CCDC69: variants seen among roughly 807,000 people sequenced by gnomAD.
CCDC69 encodes coiled-coil domain containing 69.
Under a neutral mutation model 40.3 loss-of-function variants are expected in CCDC69, and 38 were observed. That is an observed-to-expected ratio of 0.94 (90% CI 0.73 to 1.24). The LOEUF is 1.24. CCDC69 is among the 50% of genes most tolerant of loss of function. CCDC69 has a pLI of 0.00. For synonymous variants in CCDC69, 141 were observed against 138.9 expected, an observed-to-expected ratio of 1.02 and a Z score of -0.11; for missense variants, 389 against 357.9, an observed-to-expected ratio of 1.09 and a Z score of -0.70.
At chr5:151,213,291 G>C (rs1055856758) in intron 1 of CCDC69, among the ~76,000 whole-genome samples, 30 of 152,230 alleles carry the variant, frequency 2.0e-4, no homozygotes, top group African/African-American at 6.5e-4. Flanking sequence ...CAGTTGCCCA[G>C]GCTAGAGTGC....
intron 3 of CCDC69, among the ~76,000 whole-genome samples, chr5:151,200,946 T>C (rs1404110038): frequency 4.6e-5 from 7 of 152,186 alleles, no homozygotes; most frequent in African/African-American, 7.2e-5. Flanking sequence ...TAATTGTGTT[T>C]AGCATCTGAT....
At chr5:151,198,232 C>A (rs377312060) in intron 4 of CCDC69, among the ~76,000 whole-genome samples, 1 of 152,062 alleles carries the variant, frequency 6.6e-6, no homozygotes, top group African/African-American at 2.4e-5. Context: ...GGTTACAGAG[C>A]TGGTAAGCAG....
chr5:151,183,261 G>A lies in CCDC69; in HGVS notation c.*176C>T. The stretch of plus-strand genomic sequence containing the variant: ...TCTCGGGGCCTCCAAAACCCTGTGG[G>A]TGATTCCATGTAACTCAAGGCCCCA... On this transcript the variant is annotated 3_prime_UTR_variant, in exon 9 of 9. Coordinates refer to ENST00000355417, the MANE Select transcript of CCDC69 (RefSeq NM_015621.3). 2 of 772,812 alleles carry A rather than the reference G, an allele frequency of 2.6e-6. No individual in the cohort carries two copies. Among genetic ancestry groups the A allele is most frequent in the East Asian group, 2.7e-5 (1 of 37,354 alleles). 47.9% of individuals were successfully genotyped at this position (772,812 alleles called of 1,614,324 possible).
At position 151,184,401 on chromosome 5, in the gene CCDC69, A is replaced by G. The variant is rs765901395; in HGVS notation, c.656T>C (p.Leu219Pro). The change falls in exon 8 of 9, where the codon CTG becomes CCG. Residue 219 changes from leucine to proline, a missense_variant. By Grantham distance (98) the Leu-to-Pro change is moderately conservative. Transcript: ENST00000355417. ...ATGGAGGTCCTCATTTTCCTGTTGC[A>G]GGGTCGTAATTTTTTCCTCCAATAT... ...NLILEEKITT[L>P]QQENEDLHVR... is the part of the protein sequence containing the mutation. 7 of 1,614,108 alleles carry G rather than the reference A, an allele frequency of 4.3e-6. No individual in the cohort carries two copies. Among genetic ancestry groups the G allele is most frequent in the Non-Finnish European group, 5.1e-6 (6 of 1,179,958 alleles).
chr5:151,212,648 AG>A (rs1752970200), intron 1 of CCDC69: 2 of 380,994 alleles, frequency 5.2e-6, no homozygotes, highest in Non-Finnish European at 1.0e-5. Flanking sequence ...AGAAACCGAC[AG>A]GATGTAGGAG....
chr5:151,218,097 G>C (rs1753076081), intron 1 of CCDC69, among the ~76,000 whole-genome samples: 1 of 152,218 alleles, frequency 6.6e-6, no homozygotes, highest in Non-Finnish European at 1.5e-5. Context: ...GTATAGTACA[G>C]TGTTTGGCCT....
chr5:151,198,874 T>G, intron 4 of CCDC69, 123 bp downstream of exon 4: 1 of 753,284 alleles, frequency 1.3e-6, no homozygotes, highest in Admixed American at 1.9e-5. Context: ...TAGATTTGAG[T>G]CAATTGCTTG....
intron 1 of CCDC69, among the ~76,000 whole-genome samples, chr5:151,214,191 C>T (rs984743061): frequency 3.3e-5 from 5 of 152,168 alleles, no homozygotes; most frequent in Non-Finnish European, 7.3e-5. Context: ...GATTCTAAGT[C>T]TCAAGGGGCT....
chr5:151,223,638 C>T (rs1457735056), intron 1 of CCDC69, among the ~76,000 whole-genome samples: 1 of 152,232 alleles, frequency 6.6e-6, no homozygotes, highest in Non-Finnish European at 1.5e-5. Context: ...GCAGAGGGCA[C>T]CTGCCACAGA....
At chr5:151,201,558 G>T in intron 3 of CCDC69, 24 bp downstream of exon 3, 1 of 1,510,624 alleles carries the variant, frequency 6.6e-7, no homozygotes, top group Non-Finnish European at 9.2e-7. Context: ...GAGAAAGACA[G>T]GGGGTGGGGG....
rs1435045358 is a variant in CCDC69 at position 151,211,586 on chromosome 5, G to A, written c.49-6111C>T. Among the ~76,000 whole-genome samples the A allele has an allele frequency of 2.1e-5, 3 of 142,578 alleles. No homozygotes were observed. The Admixed American group carries it at 2.2e-4, about 10-fold the overall frequency. The allele number at this position is 142,578 out of a possible 152,430, so 93.5% of individuals were successfully genotyped here. A position where few individuals can be genotyped will look rare whatever the true frequency, so the allele number is the denominator to read the frequency against. On this transcript the variant is annotated intron_variant, in intron 1 of 8. Transcript: ENST00000355417. ...TGCCCAGGCTGGAGTGCAGTGGCAC[G>A]ATCTTGGCTCAATTGCAACCTCTGC...
chr5:151,183,346 A>G lies in CCDC69; in HGVS notation c.*91T>C. ...CGCTCCCACCCTCGTTCCTTCCTGG[A>G]AAAGAACTGAGAGGCTCCTGCTGTC... On this transcript the variant is annotated 3_prime_UTR_variant, in exon 9 of 9. Coordinates refer to ENST00000355417, the MANE Select transcript of CCDC69 (RefSeq NM_015621.3). 7.0e-7 allele frequency: 1 copy of G among 1,427,456 alleles called. No homozygotes were observed. The highest frequency in any genetic ancestry group is 9.7e-7 in the Non-Finnish European group (1 of 1,032,578). 88.4% of individuals were successfully genotyped at this position (1,427,456 alleles called of 1,614,324 possible). A position where few individuals can be genotyped will look rare whatever the true frequency, so the allele number is the denominator to read the frequency against.
intron 1 of CCDC69, among the ~76,000 whole-genome samples, chr5:151,207,576 C>T (rs762221781): frequency 5.3e-5 from 8 of 152,168 alleles, no homozygotes; most frequent in Non-Finnish European, 1.0e-4. Context: ...CAGGCATGAG[C>T]CACTGTACCC....
At chr5:151,194,891 CAAAAAAA>C (rs59836328) in intron 4 of CCDC69, among the ~76,000 whole-genome samples, 1 of 92,332 alleles carries the variant, frequency 1.1e-5, no homozygotes. Flanking sequence ...GCCTCCATCT[CAAAAAAA>C]AAAAAAAAAA....
chr5:151,194,860 C>T (rs1752674353), intron 4 of CCDC69, among the ~76,000 whole-genome samples: 1 of 143,234 alleles, frequency 7.0e-6, no homozygotes, highest in African/African-American at 2.7e-5. Context: ...CCACTGCACT[C>T]CAGCCTGGGT....
intron 2 of CCDC69, among the ~76,000 whole-genome samples, chr5:151,204,223 C>T (rs138344786): frequency 4.7e-4 from 71 of 152,114 alleles, no homozygotes; most frequent in Middle Eastern, 6.8e-3. Context: ...TTGGTAGAGA[C>T]GGGGTTTCAC....
In CCDC69 at chr5:151,195,644, G is replaced by A. The variant is rs764656064; in HGVS notation, c.319+3353C>T. 3.3e-5 allele frequency among the ~76,000 whole-genome samples: 5 copies of A among 149,878 alleles called. No homozygotes were observed. In the South Asian group the frequency reaches 6.4e-4, roughly 19 times the overall value. On this transcript the variant is annotated intron_variant, in intron 4 of 8. Transcript: ENST00000355417. Reference sequence around the variant, plus strand: ...TGAGGCAGAAGAATCACTTGAACCCGGGAGGCGGAGGTTACAGTGAACCGA... The same window carrying A: ...TGAGGCAGAAGAATCACTTGAACCCAGGAGGCGGAGGTTACAGTGAACCGA...
intron 1 of CCDC69, among the ~76,000 whole-genome samples, chr5:151,216,947 C>T (rs114901598): frequency 0.02 from 3,007 of 151,874 alleles, 99 homozygotes; most frequent in African/African-American, 0.067. Flanking sequence ...GTGTGGGGTG[C>T]GGGGAATGAA....
At chr5:151,188,153 T>C (rs1752553176) in intron 4 of CCDC69, among the ~76,000 whole-genome samples, 1 of 152,090 alleles carries the variant, frequency 6.6e-6, no homozygotes, top group South Asian at 2.1e-4. Context: ...TATCATCCCA[T>C]CTCCTTCATA....
Sources: allele counts gnomAD v4.1 joint callset (sites outside exome capture counted in the v4.1 genomes callset), GRCh38; gene constraint gnomAD v4.1.1; transcripts MANE v1.5; gene names NCBI Gene and HGNC (gene_info 2026-07-23, HGNC 2026-07-21).